Variants in PEAK1 observed in about 807,000 individuals in gnomAD.
The protein encoded by PEAK1 is pseudopodium enriched atypical kinase 1.
PEAK1 carries 54 observed loss-of-function variants against 124.7 expected under a neutral mutation model. That is an observed-to-expected ratio of 0.43 (90% CI 0.35 to 0.54). The LOEUF is 0.54. Ranked by LOEUF, PEAK1 falls within the 20% of genes least tolerant of loss-of-function variation. PEAK1 has a pLI of 0.01. For missense variants in PEAK1, 2,046 were observed against 2,134.5 expected, an observed-to-expected ratio of 0.96 and a Z score of 0.82; for synonymous variants, 719 against 760.0, an observed-to-expected ratio of 0.95 and a Z score of 0.89.
In PEAK1 at chr15:77,248,893, C is replaced by T. The variant is rs929793294; in HGVS notation, c.-115+3474G>A. Among the ~76,000 whole-genome samples, 46 of 152,108 alleles carry T rather than the reference C, an allele frequency of 3.0e-4. 2 individuals carry two copies. Among genetic ancestry groups the T allele is most frequent in the Admixed American group, 2.4e-3 (37 of 15,278 alleles). Reference sequence around the variant, plus strand: ...AGGATGGAGTGCAGTGGTGCCATCTCGGCTCACCGCAGCCTCTGCCTCCTG... The same window carrying T: ...AGGATGGAGTGCAGTGGTGCCATCTTGGCTCACCGCAGCCTCTGCCTCCTG... On this transcript the variant is annotated intron_variant, in intron 6 of 9. Coordinates refer to ENST00000682557, the MANE Select transcript of PEAK1 (RefSeq NM_001385026.1).
At chr15:77,335,976 G>A (rs1463717323) in intron 2 of PEAK1, 1 of 985,200 alleles carries the variant, frequency 1.0e-6, no homozygotes, top group Non-Finnish European at 1.2e-6. Context: ...GTATAATGAT[G>A]GACTAGTAGG....
At chr15:77,366,832 G>C (rs920438986) in intron 1 of PEAK1, among the ~76,000 whole-genome samples, 3 of 152,180 alleles carry the variant, frequency 2.0e-5, no homozygotes, top group East Asian at 3.9e-4. Context: ...AAAGTGCTGG[G>C]ATTACAGGCA....
intron 6 of PEAK1, among the ~76,000 whole-genome samples, chr15:77,223,324 T>C (rs1039057563): frequency 6.6e-6 from 1 of 152,032 alleles, no homozygotes; most frequent in Non-Finnish European, 1.5e-5. Flanking sequence ...CACTCACTCA[T>C]AGCTTCCACC....
At chr15:77,189,838 T>C (rs1208046530) in intron 6 of PEAK1, among the ~76,000 whole-genome samples, 4 of 152,036 alleles carry the variant, frequency 2.6e-5, no homozygotes, top group African/African-American at 7.2e-5. Flanking sequence ...AACTGCCAAG[T>C]GAAGAAAGCT....
chr15:77,414,786 TG>T (rs2142161102), intron 1 of PEAK1, among the ~76,000 whole-genome samples: 1 of 152,372 alleles, frequency 6.6e-6, no homozygotes, highest in Admixed American at 6.5e-5. Context: ...TAGTATTATT[TG>T]CTCTTCATTT....
At chr15:77,285,476 CACA>C (rs1220666961) in intron 3 of PEAK1, among the ~76,000 whole-genome samples, 3 of 152,096 alleles carry the variant, frequency 2.0e-5, no homozygotes, top group Non-Finnish European at 4.4e-5. Context: ...TCAGCAGTTG[CACA>C]ACAACTAAAC....
At chr15:77,245,552 A>AG (rs1160880798) in intron 6 of PEAK1, among the ~76,000 whole-genome samples, 1 of 152,002 alleles carries the variant, frequency 6.6e-6, no homozygotes, top group Non-Finnish European at 1.5e-5. Context: ...TACAAAAATT[A>AG]GCCGGGCGTG....
intron 5 of PEAK1, among the ~76,000 whole-genome samples, chr15:77,275,494 G>A (rs2062266909): frequency 6.6e-6 from 1 of 152,052 alleles, no homozygotes; most frequent in African/African-American, 2.4e-5. Flanking sequence ...GAGGCGGGTG[G>A]ATCATGAGGT....
chr15:77,267,352 A>C (rs555884476), intron 5 of PEAK1, among the ~76,000 whole-genome samples: 17 of 152,016 alleles, frequency 1.1e-4, no homozygotes, highest in Non-Finnish European at 2.2e-4. Context: ...TCCCTATACT[A>C]CCACAGCTAT....
chr15:77,124,931 C>A (rs1353286097), intron 9 of PEAK1, among the ~76,000 whole-genome samples: 1 of 152,192 alleles, frequency 6.6e-6, no homozygotes, highest in Admixed American at 6.5e-5. Context: ...TTATTTCATT[C>A]ATTAATCTTC....
intron 6 of PEAK1, among the ~76,000 whole-genome samples, chr15:77,187,273 G>C (rs562965217): frequency 6.6e-6 from 1 of 152,258 alleles, no homozygotes; most frequent in African/African-American, 2.4e-5. Context: ...TCAGGCTATA[G>C]ATTAAGCTAT....
chr15:77,364,527 A>C (rs1567310690), intron 2 of PEAK1, among the ~76,000 whole-genome samples: 1 of 152,254 alleles, frequency 6.6e-6, no homozygotes, highest in Non-Finnish European at 1.5e-5. Flanking sequence ...CAGAGCAGTC[A>C]GACTCAAGGT....
chr15:77,293,102 C>A (rs1238235889), intron 2 of PEAK1, among the ~76,000 whole-genome samples: 1 of 152,206 alleles, frequency 6.6e-6, no homozygotes, highest in Admixed American at 6.5e-5. Context: ...CCTCGCCAGG[C>A]ACCAAATCAT....
At chr15:77,223,886 ATTTTTTTT>A (rs10719377) in intron 6 of PEAK1, among the ~76,000 whole-genome samples, 2 of 121,608 alleles carry the variant, frequency 1.6e-5, no homozygotes, top group Admixed American at 8.6e-5. Flanking sequence ...CATTTGAGAG[ATTTTTTTT>A]TTTTTTTTTT....
At chr15:77,134,608 G>T (rs2053157614) in intron 8 of PEAK1, among the ~76,000 whole-genome samples, 2 of 152,222 alleles carry the variant, frequency 1.3e-5, no homozygotes, top group African/African-American at 4.8e-5. Context: ...AAACACATGT[G>T]TGTTTGAATA....
intron 2 of PEAK1, chr15:77,348,325 AGATT>A: frequency 1.1e-6 from 1 of 876,388 alleles, no homozygotes; most frequent in African/African-American, 1.8e-5. Flanking sequence ...TACTCTTACA[AGATT>A]GATAGGAATA....
At chr15:77,163,973 T>C (rs2055885684) in intron 7 of PEAK1, among the ~76,000 whole-genome samples, 1 of 152,178 alleles carries the variant, frequency 6.6e-6, no homozygotes, top group Non-Finnish European at 1.5e-5. Flanking sequence ...ATAACGGAAC[T>C]CTGCAGATGT....
At chr15:77,418,566 T>C in intron 1 of PEAK1, 7 of 984,944 alleles carry the variant, frequency 7.1e-6, no homozygotes, top group Non-Finnish European at 8.4e-6. Context: ...CAAGAAAATG[T>C]ACCATATCTG....
chr15:77,272,232 C>T lies in PEAK1; in HGVS notation c.-275+11651G>A, dbSNP rs114229425. ...GAAAGAAGAACAAACCAAACCCAAG[C>T]CCAACAGAAGAAAACAAGCAACCAA... is the stretch of plus-strand genomic sequence containing the variant. On this transcript the variant is annotated intron_variant, in intron 5 of 9. Transcript: ENST00000682557. Among the ~76,000 whole-genome samples, 753 of 152,056 alleles carry T rather than the reference C, an allele frequency of 5.0e-3. 6 individuals carry two copies. Among genetic ancestry groups the T allele is most frequent in the African/African-American group, 0.017 (715 of 41,482 alleles).
Sources: gnomAD v4.1 joint callset for allele counts (sites outside exome capture counted in the v4.1 genomes callset) on GRCh38, gnomAD v4.1.1 for gene constraint, MANE v1.5 for transcripts, NCBI Gene and HGNC (gene_info 2026-07-23, HGNC 2026-07-21) for gene names.